OSBPL1A: variants seen among roughly 807,000 people sequenced by gnomAD.
OSBPL1A encodes oxysterol binding protein like 1A.
Under a neutral mutation model 137.1 loss-of-function variants are expected in OSBPL1A, and 80 were observed. That is an observed-to-expected ratio of 0.58 (90% CI 0.49 to 0.70). The LOEUF (loss-of-function observed/expected upper bound fraction) is 0.70, where lower values mean the gene tolerates loss of function less well. OSBPL1A is among the 30% of genes least tolerant of loss of function. The pLI is 0.00. For synonymous variants in OSBPL1A, 365 were observed against 389.7 expected (o/e 0.94, Z 0.75); for missense variants, 970 against 1,129.4 (o/e 0.86, Z 2.02).
chr18:24,349,476 A>T (rs1046319887), intron 4 of OSBPL1A, among the ~76,000 whole-genome samples: 6 of 152,176 alleles, frequency 3.9e-5, no homozygotes, highest in African/African-American at 1.4e-4. Flanking sequence ...TAACAGCAGA[A>T]ATAAAATATG....
At chr18:24,296,368 T>C (rs2090292808) in intron 14 of OSBPL1A, among the ~76,000 whole-genome samples, 1 of 152,212 alleles carries the variant, frequency 6.6e-6, no homozygotes, top group Non-Finnish European at 1.5e-5. Flanking sequence ...CCTGAGACTT[T>C]ATTGAATTTG....
chr18:24,293,104 CAAAAAAAAAA>C (rs1172730345), intron 14 of OSBPL1A, among the ~76,000 whole-genome samples: 71 of 66,388 alleles, frequency 1.1e-3, no homozygotes, highest in Admixed American at 2.0e-3. Flanking sequence ...ACTCCCGTCT[CAAAAAAAAAA>C]AAAAAAAAAA....
chr18:24,226,841 G>GA (rs1453700267), intron 16 of OSBPL1A, among the ~76,000 whole-genome samples: 3 of 149,808 alleles, frequency 2.0e-5, no homozygotes, highest in Non-Finnish European at 3.0e-5. Context: ...TAAAATTTCT[G>GA]AAAATATAGT....
chr18:24,172,558 G>T, intron 21 of OSBPL1A, 75 bp from the exon 22 acceptor site: 1 of 1,040,600 alleles, frequency 9.6e-7, no homozygotes, highest in Non-Finnish European at 1.5e-6. Flanking sequence ...TGTTCCAAAT[G>T]CCATTACTCA....
chr18:24,257,733 A>G (rs28884496), intron 15 of OSBPL1A, among the ~76,000 whole-genome samples: 9,526 of 152,302 alleles, frequency 0.063, 459 homozygotes, highest in African/African-American at 0.13. Context: ...TACCCATCTG[A>G]CAAGGGATGA....
chr18:24,365,493 AGAATTGCTT>A (rs2091691305), intron 4 of OSBPL1A, among the ~76,000 whole-genome samples: 1 of 152,016 alleles, frequency 6.6e-6, no homozygotes, highest in Admixed American at 6.6e-5. Flanking sequence ...CTAAGGCAGG[AGAATTGCTT>A]GAACCCGGGA....
At chr18:24,167,252 AC>A (rs1216564243) in intron 25 of OSBPL1A, 76 bp downstream of exon 25, 5 of 1,362,376 alleles carry the variant, frequency 3.7e-6, no homozygotes, top group Non-Finnish European at 5.2e-6. Context: ...GCCTGGGCCG[AC>A]CCTACACGTG....
At chr18:24,284,741 T>C (rs2090036400) in intron 14 of OSBPL1A, among the ~76,000 whole-genome samples, 1 of 152,212 alleles carries the variant, frequency 6.6e-6, no homozygotes, top group Non-Finnish European at 1.5e-5. Flanking sequence ...AAAACAGTCT[T>C]CAAAATATTG....
intron 7 of OSBPL1A, among the ~76,000 whole-genome samples, chr18:24,327,496 G>T (rs966496013): frequency 2.6e-5 from 4 of 151,852 alleles, no homozygotes; most frequent in Non-Finnish European, 2.9e-5. Context: ...TGCAACCTCC[G>T]TCTCCTGGGT....
intron 4 of OSBPL1A, chr18:24,364,641 T>C (rs1248376081): frequency 6.6e-6 from 1 of 151,682 alleles, no homozygotes; most frequent in Non-Finnish European, 1.5e-5. Context: ...TCAGCAGATA[T>C]ATTAGCTGGC....
At chr18:24,275,148 G>T (rs939370668) in intron 15 of OSBPL1A, among the ~76,000 whole-genome samples, 16 of 152,076 alleles carry the variant, frequency 1.1e-4, no homozygotes, top group African/African-American at 3.6e-4. Flanking sequence ...GAAACAGAAA[G>T]TATCACATTT....
intron 23 of OSBPL1A, among the ~76,000 whole-genome samples, chr18:24,171,046 T>G (rs1395902627): frequency 1.3e-5 from 2 of 151,934 alleles, no homozygotes; most frequent in Admixed American, 6.6e-5. Context: ...TTTTTTGTTT[T>G]TTTTTTTTTA....
chr18:24,281,746 T>C (rs141252108), intron 14 of OSBPL1A, among the ~76,000 whole-genome samples: 3 of 152,288 alleles, frequency 2.0e-5, no homozygotes, highest in Non-Finnish European at 2.9e-5. Flanking sequence ...GCACATAAAT[T>C]GGTACAGAAA....
chr18:24,380,709 T>C (rs1174551273), intron 1 of OSBPL1A, among the ~76,000 whole-genome samples: 13 of 152,170 alleles, frequency 8.5e-5, no homozygotes, highest in Non-Finnish European at 1.9e-4. Context: ...CCCAACACTT[T>C]GGGAGACTGA....
At chr18:24,236,243 T>C (rs922234900) in intron 16 of OSBPL1A, among the ~76,000 whole-genome samples, 6 of 152,096 alleles carry the variant, frequency 3.9e-5, no homozygotes, top group African/African-American at 1.4e-4. Context: ...ATTGAAAGTG[T>C]AGGTGAAGGA....
intron 4 of OSBPL1A, among the ~76,000 whole-genome samples, chr18:24,366,027 G>C (rs1009057926): frequency 2.6e-5 from 4 of 152,098 alleles, no homozygotes; most frequent in African/African-American, 9.7e-5. Context: ...CCACCCCTCA[G>C]ACACCAGCTG....
chr18:24,235,843 G>T (rs1567965388), intron 16 of OSBPL1A, among the ~76,000 whole-genome samples: 3 of 152,188 alleles, frequency 2.0e-5, no homozygotes, highest in Non-Finnish European at 1.5e-5. Context: ...AAGGGACTTT[G>T]CAGATATGAT....
chr18:24,353,923 T>TG (rs1437608259), intron 4 of OSBPL1A, among the ~76,000 whole-genome samples: 1 of 54,880 alleles, frequency 1.8e-5, no homozygotes, highest in Non-Finnish European at 3.3e-5. Context: ...TGTTGTGGGG[T>TG]GGGGGGAGGG....
intron 21 of OSBPL1A, among the ~76,000 whole-genome samples, chr18:24,176,369 C>T (rs964360636): frequency 2.0e-5 from 3 of 152,186 alleles, no homozygotes; most frequent in African/African-American, 4.8e-5. Flanking sequence ...TTTCAACATA[C>T]ACATCCTTTA....
Sources: allele counts gnomAD v4.1 joint callset (sites outside exome capture counted in the v4.1 genomes callset), GRCh38; gene constraint gnomAD v4.1.1; transcripts MANE v1.5; gene names NCBI Gene and HGNC (gene_info 2026-07-23, HGNC 2026-07-21).